ATAD5: variants seen among roughly 807,000 people sequenced by gnomAD.
ATAD5 encodes ATPase family AAA domain-containing protein 5.
In ATAD5, 58 loss-of-function variants were observed where a neutral mutation model predicts 176.9. The ratio of observed to expected loss-of-function variants is 0.33; its 90% CI spans 0.27 to 0.41. ATAD5 has a LOEUF of 0.41. ATAD5 is among the 10% of genes least tolerant of loss of function. The pLI, the probability that ATAD5 is intolerant of heterozygous loss-of-function variation, is 1.00. For synonymous variants in ATAD5, 640 were observed against 712.6 expected (o/e 0.90, Z 1.62); for missense variants, 1,789 against 2,094.1 (o/e 0.85, Z 2.84).
At chr17:30,882,905 TG>T (rs900461411) in intron 18 of ATAD5, among the ~76,000 whole-genome samples, 1 of 152,154 alleles carries the variant, frequency 6.6e-6, no homozygotes, top group East Asian at 1.9e-4. Context: ...GACTGCTGAT[TG>T]GTCTGGGGTT....
At chr17:30,849,900 C>G (rs1296923173) in intron 6 of ATAD5, among the ~76,000 whole-genome samples, 1 of 152,126 alleles carries the variant, frequency 6.6e-6, no homozygotes, top group African/African-American at 2.4e-5. Flanking sequence ...AACAAACCTA[C>G]AGTAATAGAA....
In ATAD5 at chr17:30,857,095, G is replaced by T. The variant is rs765456043; in HGVS notation, c.2776G>T (p.Gly926Cys). 1 of 1,610,634 alleles carries T rather than the reference G, an allele frequency of 6.2e-7. No homozygotes were observed. Among genetic ancestry groups the T allele is most frequent in the East Asian group, 2.2e-5 (1 of 44,730 alleles). Residue 926 changes from glycine (G) to cysteine (C), a missense_variant, in exon 8 of 23, where the codon GGT becomes TGT. Gly to Cys is a radical substitution (Grantham distance 159). Coordinates refer to ENST00000321990, the MANE Select transcript of ATAD5 (RefSeq NM_024857.5). Reference sequence around the variant, plus strand: ...AACATTGAATTCAAAGTTGAAAAGCGGTAACTCTGCTGCTGTGGTAAGTAT... The same window carrying T: ...AACATTGAATTCAAAGTTGAAAAGCTGTAACTCTGCTGCTGTGGTAAGTAT... Reference protein sequence around the residue: ...FSTLNSKLKSGNSAAVFMRTR... With the variant: ...FSTLNSKLKSCNSAAVFMRTR...
intron 5 of ATAD5, among the ~76,000 whole-genome samples, 195 bp from the exon 6 acceptor site, chr17:30,844,640 C>T (rs1906362794): frequency 7.2e-6 from 1 of 139,492 alleles, no homozygotes; most frequent in Non-Finnish European, 1.5e-5. Flanking sequence ...TCCAGCTACT[C>T]GGGAGGCTGA....
intron 3 of ATAD5, among the ~76,000 whole-genome samples, chr17:30,838,521 G>C (rs1249439532): frequency 2.0e-5 from 3 of 152,050 alleles, no homozygotes; most frequent in Admixed American, 6.6e-5. Context: ...TGTGATTCTG[G>C]GAAGTGTCTT....
intron 10 of ATAD5, chr17:30,863,050 T>G (rs1381394148): frequency 2.0e-5 from 3 of 151,342 alleles, no homozygotes; most frequent in Non-Finnish European, 2.9e-5. Context: ...AAAAAAAAAT[T>G]GGCTAGGCAT....
chr17:30,844,973 G>T (rs1597958819), intron 6 of ATAD5, 57 bp downstream of exon 6: 1 of 1,391,132 alleles, frequency 7.2e-7, no homozygotes, highest in East Asian at 2.4e-5. Context: ...TATTTGTATT[G>T]ATGTGTTTAC....
intron 9 of ATAD5, among the ~76,000 whole-genome samples, chr17:30,858,639 G>T (rs961812039): frequency 6.6e-6 from 1 of 151,980 alleles, no homozygotes; most frequent in African/African-American, 2.4e-5. Flanking sequence ...ATCTACCTCA[G>T]CCCCCCAAAA....
rs201040834 is a variant in ATAD5, at chr17:30,835,940, A to G, written c.1859A>G (p.Asn620Ser). 1 of 1,614,152 alleles carries G rather than the reference A, an allele frequency of 6.2e-7. No homozygotes were observed. Among genetic ancestry groups the G allele is most frequent in the Non-Finnish European group, 8.5e-7 (1 of 1,180,026 alleles). Reference protein sequence around the residue: ...RGIDSDDVQDNSQLKASTQKA... With the variant: ...RGIDSDDVQDSSQLKASTQKA... Reference sequence around the variant, plus strand: ...ATTGATTCTGACGATGTACAAGATAATAGTCAACTAAAGGCTTCCACTCAA... The same window carrying G: ...ATTGATTCTGACGATGTACAAGATAGTAGTCAACTAAAGGCTTCCACTCAA... The change falls in exon 2 of 23, where the codon AAT (asparagine) becomes AGT (serine). Residue 620 changes from asparagine (N) to serine (S), a missense_variant. Physicochemically the swap from Asn to Ser is conservative, Grantham distance 46. Coordinates refer to ENST00000321990, the MANE Select transcript of ATAD5 (RefSeq NM_024857.5).
intron 9 of ATAD5, 24 bp from the exon 10 acceptor site, chr17:30,860,409 G>T (rs750461623): frequency 6.3e-7 from 1 of 1,576,230 alleles, no homozygotes; most frequent in Non-Finnish European, 8.5e-7. Flanking sequence ...GTAAGCACAT[G>T]CACTTCTTTA....
Position 30,876,448 on chromosome 17 carries a change from C to T in ATAD5, c.3682C>T (p.Pro1228Ser). 1 of 1,609,390 alleles carries T rather than the reference C, an allele frequency of 6.2e-7. No individual in the cohort carries two copies. The highest frequency in any genetic ancestry group is 8.5e-7 in the Non-Finnish European group (1 of 1,177,340). The stretch of plus-strand genomic sequence containing the variant: ...TCCACCATCACCAAAAAGTAGTGGA[C>T]CAAAGCGAGCACTTCCTCCCAAAAC... Reference protein sequence around the residue: ...VPPPSPKSSGPKRALPPKTLA... With the variant: ...VPPPSPKSSGSKRALPPKTLA... The change falls in exon 15 of 23, where the codon CCA (proline) becomes TCA (serine). Residue 1228 changes from proline (P) to serine (S), a missense_variant. Pro to Ser is a moderately conservative substitution (Grantham distance 74). Coordinates refer to ENST00000321990, the MANE Select transcript of ATAD5 (RefSeq NM_024857.5).
In ATAD5 at chr17:30,835,939, A is replaced by G. The variant is rs773291328; in HGVS notation, c.1858A>G (p.Asn620Asp). The G allele has an allele frequency of 6.2e-7, 1 of 1,614,032 alleles. No individual in the cohort carries two copies. Among genetic ancestry groups the G allele is most frequent in the African/African-American group, 1.3e-5 (1 of 74,950 alleles). Reference sequence around the variant, plus strand: ...TATTGATTCTGACGATGTACAAGATAATAGTCAACTAAAGGCTTCCACTCA... The same window carrying G: ...TATTGATTCTGACGATGTACAAGATGATAGTCAACTAAAGGCTTCCACTCA... ...RGIDSDDVQD[N>D]SQLKASTQKA... The change falls in exon 2 of 23, where the codon AAT becomes GAT. Residue 620 changes from asparagine (N) to aspartate (D), a missense_variant. Coordinates refer to ENST00000321990, the MANE Select transcript of ATAD5 (RefSeq NM_024857.5).
At chr17:30,846,427 G>C (rs185893107) in intron 6 of ATAD5, among the ~76,000 whole-genome samples, 121 of 145,310 alleles carry the variant, frequency 8.3e-4, no homozygotes, top group African/African-American at 2.9e-3. Context: ...TTTTTTAGAC[G>C]GAGTCTCACT....
intron 6 of ATAD5, among the ~76,000 whole-genome samples, chr17:30,850,673 G>A (rs544746237): frequency 6.6e-6 from 1 of 150,648 alleles, no homozygotes; most frequent in Non-Finnish European, 1.5e-5. Flanking sequence ...CAAGCTCTAA[G>A]ACATCTCTTA....
At chr17:30,890,425 T>C (rs1490896758) in intron 19 of ATAD5, among the ~76,000 whole-genome samples, 4 of 144,274 alleles carry the variant, frequency 2.8e-5, no homozygotes, top group African/African-American at 5.1e-5. Flanking sequence ...TTTCTTTTTT[T>C]TTTTTTTTTT....
At chr17:30,846,268 G>C (rs1458834779) in intron 6 of ATAD5, among the ~76,000 whole-genome samples, 1 of 151,810 alleles carries the variant, frequency 6.6e-6, no homozygotes, top group Non-Finnish European at 1.5e-5. Context: ...ATATTATTTT[G>C]TGTCTGGCTG....
chr17:30,843,840 T>C, intron 4 of ATAD5, 73 bp from the exon 5 acceptor site: 1 of 906,838 alleles, frequency 1.1e-6, no homozygotes, highest in East Asian at 3.1e-5. Flanking sequence ...TTTCTATCAC[T>C]GTGATTCTTT....
chr17:30,861,003 C>T (rs867001251), intron 10 of ATAD5, among the ~76,000 whole-genome samples: 9 of 152,008 alleles, frequency 5.9e-5, no homozygotes, highest in African/African-American at 1.7e-4. Flanking sequence ...TTAGTAGAGA[C>T]GGAATTGGCC....
chr17:30,838,895 G>A (rs1279495262), intron 3 of ATAD5, among the ~76,000 whole-genome samples: 3 of 152,132 alleles, frequency 2.0e-5, no homozygotes, highest in Non-Finnish European at 4.4e-5. Context: ...GGCCCTTGTT[G>A]TTCACTGAAG....
chr17:30,852,994 T>C (rs1907063104), intron 6 of ATAD5, among the ~76,000 whole-genome samples: 2 of 151,750 alleles, frequency 1.3e-5, no homozygotes, highest in South Asian at 4.1e-4. Flanking sequence ...GTTAAAGCAA[T>C]TCTCCCTGCC....
Sources: allele counts gnomAD v4.1 joint callset (sites outside exome capture counted in the v4.1 genomes callset), GRCh38; gene constraint gnomAD v4.1.1; transcripts MANE v1.5; gene names NCBI Gene and HGNC (gene_info 2026-07-23, HGNC 2026-07-21).